Variants in OTOGL observed in about 807,000 individuals in gnomAD.
OTOGL encodes otogelin-like protein.
In OTOGL, 285 loss-of-function variants were observed where a neutral mutation model predicts 318.5. The observed-to-expected ratio is 0.89, with a 90% CI of 0.81 to 0.99. OTOGL has a LOEUF of 0.99. Among genes scored for constraint, OTOGL ranks in the 50% least tolerant of loss-of-function variants. The pLI, the probability that OTOGL is intolerant of heterozygous loss-of-function variation, is 0.00. For synonymous variants in OTOGL, 987 were observed against 936.5 expected, an observed-to-expected ratio of 1.05 and a Z score of -0.99; for missense variants, 2,899 against 2,845.6, an observed-to-expected ratio of 1.02 and a Z score of -0.43.
Position 80,253,670 on chromosome 12 carries a change from T to A in OTOGL, c.1394+96T>A, listed in dbSNP as rs545915501. The A allele has an allele frequency of 1.8e-5, 17 of 928,874 alleles. No homozygotes were observed. The Admixed American group carries it at 2.6e-4, about 14-fold the overall frequency. The allele number at this position is 928,874 out of a possible 1,614,324, so 57.5% of individuals were successfully genotyped here. ...TTAAAGGAATATACTCATTACTAAT[T>A]TACTTCCCAAATTCCAACACAAAAC... is the stretch of plus-strand genomic sequence containing the variant. On this transcript the variant is annotated intron_variant, in intron 14 of 58. Coordinates refer to ENST00000547103, the MANE Select transcript of OTOGL (RefSeq NM_001378609.3).
chr12:80,117,813 C>T (rs1870256502), intron 1 of OTOGL, among the ~76,000 whole-genome samples: 1 of 152,182 alleles, frequency 6.6e-6, no homozygotes, highest in Non-Finnish European at 1.5e-5. Context: ...GCTTTGCTTT[C>T]TTAACTTTAT....
chr12:80,206,474 G>T (rs1411930934), intron 1 of OTOGL, among the ~76,000 whole-genome samples: 1 of 152,072 alleles, frequency 6.6e-6, no homozygotes, highest in Non-Finnish European at 1.5e-5. Context: ...CTATAAAATA[G>T]TAACAACCCT....
intron 9 of OTOGL, 128 bp from the exon 10 acceptor site, chr12:80,238,723 G>A: frequency 8.9e-7 from 1 of 1,126,036 alleles, no homozygotes; most frequent in South Asian, 3.8e-5. Context: ...TATCACATTG[G>A]TAATTATAAT....
chr12:80,261,055 CTTGCG>C (rs2137541597), intron 18 of OTOGL, among the ~76,000 whole-genome samples: 1 of 152,218 alleles, frequency 6.6e-6, no homozygotes, highest in South Asian at 2.1e-4. Flanking sequence ...AAGGAAATGG[CTTGCG>C]TTGCTCCCTT....
intron 49 of OTOGL, among the ~76,000 whole-genome samples, chr12:80,357,341 C>T (rs1244917850): frequency 6.6e-6 from 1 of 151,924 alleles, no homozygotes; most frequent in African/African-American, 2.4e-5. Context: ...GAAAGAGTGA[C>T]TGGAAAATGA....
chr12:80,193,276 G>A (rs1456474392), intron 1 of OTOGL, among the ~76,000 whole-genome samples: 2 of 152,158 alleles, frequency 1.3e-5, no homozygotes, highest in Non-Finnish European at 2.9e-5. Flanking sequence ...CCAGCACTTT[G>A]GGAGGCTGTG....
At chr12:80,311,235 G>T (rs1001655150) in intron 30 of OTOGL, among the ~76,000 whole-genome samples, 3 of 152,160 alleles carry the variant, frequency 2.0e-5, no homozygotes, top group East Asian at 3.8e-4. Flanking sequence ...CAATGTATTG[G>T]TAAGAATTAA....
chr12:80,144,788 G>T (rs1872221484), intron 1 of OTOGL, among the ~76,000 whole-genome samples: 1 of 152,076 alleles, frequency 6.6e-6, no homozygotes, highest in African/African-American at 2.4e-5. Context: ...GTTTTGATTT[G>T]CATTTCTCTG....
At chr12:80,326,179 C>T (rs760531755) in intron 35 of OTOGL, among the ~76,000 whole-genome samples, 12 of 152,016 alleles carry the variant, frequency 7.9e-5, no homozygotes, top group East Asian at 7.7e-4. Context: ...CCTCCAAGTC[C>T]GCGACATAAC....
At chr12:80,132,789 G>GGTAAATA (rs1871320412) in intron 1 of OTOGL, 1 of 152,110 alleles carries the variant, frequency 6.6e-6, no homozygotes, top group South Asian at 2.1e-4. Flanking sequence ...TTCAAGACCA[G>GGTAAATA]GTAAATATTC....
chr12:80,308,451 CGGCCG>C (rs1216105048), intron 29 of OTOGL, among the ~76,000 whole-genome samples: 2 of 151,912 alleles, frequency 1.3e-5, no homozygotes, highest in Non-Finnish European at 2.9e-5. Flanking sequence ...GATGTGATGG[CGGCCG>C]GGAAGAGACG....
intron 34 of OTOGL, among the ~76,000 whole-genome samples, chr12:80,323,340 G>C (rs758400769): frequency 3.3e-5 from 5 of 152,042 alleles, no homozygotes; most frequent in Non-Finnish European, 5.9e-5. Context: ...ACCCTAGGAG[G>C]GTTCATATAA....
At chr12:80,285,709 T>C (rs1884566385) in intron 26 of OTOGL, among the ~76,000 whole-genome samples, 1 of 152,220 alleles carries the variant, frequency 6.6e-6, no homozygotes, top group Non-Finnish European at 1.5e-5. Context: ...TTGTGATTTT[T>C]GCACATTGAT....
chr12:80,310,114 A>C (rs902478467), intron 29 of OTOGL, among the ~76,000 whole-genome samples: 1 of 152,194 alleles, frequency 6.6e-6, no homozygotes, highest in Non-Finnish European at 1.5e-5. Flanking sequence ...AGCAAAATGG[A>C]AGACTGAAAA....
At chr12:80,238,826 G>A (rs111522079) in intron 9 of OTOGL, 25 bp from the exon 10 acceptor site, 14 of 1,507,032 alleles carry the variant, frequency 9.3e-6, no homozygotes, top group Non-Finnish European at 1.2e-5. Flanking sequence ...TTGTGTGTGT[G>A]TGTGTGTGTG....
At chr12:80,317,037 C>A (rs1302352178) in intron 32 of OTOGL, among the ~76,000 whole-genome samples, 1 of 152,076 alleles carries the variant, frequency 6.6e-6, no homozygotes, top group Non-Finnish European at 1.5e-5. Flanking sequence ...GAGATTATTT[C>A]AATAATCTTT....
rs1031777413 is a variant in OTOGL at position 80,152,822 on chromosome 12, A to G, written c.-20+53217A>G. On this transcript the variant is annotated intron_variant, in intron 1 of 58. Coordinates refer to ENST00000547103, the MANE Select transcript of OTOGL (RefSeq NM_001378609.3). ...TCCTGCCTCAGCCTCAGCTGGGATTACCACCCAGCTGGTGGTATGCACCAC... is the reference window on the plus strand; with the variant it reads ...TCCTGCCTCAGCCTCAGCTGGGATTGCCACCCAGCTGGTGGTATGCACCAC... Among the ~76,000 whole-genome samples, 3 of 152,120 alleles carry G rather than the reference A, an allele frequency of 2.0e-5. No homozygotes were observed. The East Asian group carries it at 5.8e-4, about 30-fold the overall frequency.
rs2137310035 is a variant in OTOGL at position 80,210,843 on chromosome 12, G to T, written c.80-4G>T. The T allele has an allele frequency of 6.9e-7, 1 of 1,454,408 alleles. No homozygotes were observed. Among genetic ancestry groups the T allele is most frequent in the East Asian group, 2.6e-5 (1 of 37,894 alleles). The allele number at this position is 1,454,408 out of a possible 1,614,324, so 90.1% of individuals were successfully genotyped here. ...TTTCATTCTTATATATTTGTCTCTGGCAGAATATATTTGTGCATCGTCTAT... is the reference window on the plus strand; with the variant it reads ...TTTCATTCTTATATATTTGTCTCTGTCAGAATATATTTGTGCATCGTCTAT... On this transcript the variant is annotated splice_polypyrimidine_tract_variant and splice_region_variant and intron_variant, in intron 2 of 58. Coordinates refer to ENST00000547103, the MANE Select transcript of OTOGL (RefSeq NM_001378609.3).
At chr12:80,203,875 G>A (rs1477598516) in intron 1 of OTOGL, among the ~76,000 whole-genome samples, 1 of 152,152 alleles carries the variant, frequency 6.6e-6, no homozygotes, top group Non-Finnish European at 1.5e-5. Flanking sequence ...CGTGAAGGAT[G>A]GTTTGGGAAT....
Sources: allele counts gnomAD v4.1 joint callset (sites outside exome capture counted in the v4.1 genomes callset), GRCh38; gene constraint gnomAD v4.1.1; transcripts MANE v1.5; gene names NCBI Gene and HGNC (gene_info 2026-07-23, HGNC 2026-07-21).